JAKMIP2: variants seen among roughly 807,000 people sequenced by gnomAD.
JAKMIP2 encodes janus kinase and microtubule interacting protein 2.
JAKMIP2 carries 25 observed loss-of-function variants against 115.0 expected under a neutral mutation model. That is an observed-to-expected ratio of 0.22 (90% CI 0.16 to 0.30). The LOEUF (loss-of-function observed/expected upper bound fraction) is 0.30, where lower values mean the gene tolerates loss of function less well. Among genes scored for constraint, JAKMIP2 ranks in the 10% least tolerant of loss-of-function variants. JAKMIP2 has a pLI of 1.00. For synonymous variants in JAKMIP2, 334 were observed against 343.6 expected (o/e 0.97, Z 0.31); for missense variants, 642 against 957.6 (o/e 0.67, Z 4.35).
At chr5:147,718,085 T>C (rs1451871661) in intron 1 of JAKMIP2, among the ~76,000 whole-genome samples, 6 of 141,912 alleles carry the variant, frequency 4.2e-5, no homozygotes, top group Non-Finnish European at 7.6e-5. Flanking sequence ...AAAGGCCTTT[T>C]CTGCATCTAT....
chr5:147,636,130 G>T, intron 12 of JAKMIP2, 92 bp downstream of exon 12: 1 of 998,674 alleles, frequency 1.0e-6, no homozygotes, highest in Non-Finnish European at 1.5e-6. Context: ...CCTTCCCCTG[G>T]CCCCTGTGCC....
intron 2 of JAKMIP2, among the ~76,000 whole-genome samples, chr5:147,669,722 T>C (rs1035132007): frequency 1.3e-5 from 2 of 152,178 alleles, no homozygotes; most frequent in Admixed American, 6.5e-5. Context: ...GCCAATGAAA[T>C]GTTCAGAGAT....
At chr5:147,646,720 CAA>C (rs942105172) in intron 5 of JAKMIP2, among the ~76,000 whole-genome samples, 8 of 150,434 alleles carry the variant, frequency 5.3e-5, no homozygotes, top group African/African-American at 2.0e-4. Context: ...AACACTAAAA[CAA>C]AAATCTGATG....
intron 1 of JAKMIP2, among the ~76,000 whole-genome samples, chr5:147,761,173 C>T (rs1307408602): frequency 2.0e-5 from 3 of 152,016 alleles, no homozygotes; most frequent in African/African-American, 7.2e-5. Flanking sequence ...AGCAGTTGTA[C>T]AAGAAAAGCA....
chr5:147,767,067 C>T (rs184293591), intron 1 of JAKMIP2, among the ~76,000 whole-genome samples: 1 of 152,228 alleles, frequency 6.6e-6, no homozygotes, highest in Admixed American at 6.5e-5. Context: ...TAGTCAATTC[C>T]TTTATGCATT....
intron 1 of JAKMIP2, among the ~76,000 whole-genome samples, chr5:147,707,793 A>G (rs1752636944): frequency 6.6e-6 from 1 of 152,226 alleles, no homozygotes; most frequent in Non-Finnish European, 1.5e-5. Context: ...GATCAGCAAT[A>G]GTAAGTACAG....
intron 1 of JAKMIP2, among the ~76,000 whole-genome samples, chr5:147,685,166 A>G (rs761564013): frequency 2.0e-5 from 3 of 152,216 alleles, no homozygotes; most frequent in Non-Finnish European, 2.9e-5. Context: ...TTGAGCCTGA[A>G]GCTTCTTAGT....
intron 3 of JAKMIP2, among the ~76,000 whole-genome samples, chr5:147,653,544 C>A (rs771855849): frequency 3.3e-5 from 5 of 151,260 alleles, no homozygotes; most frequent in Non-Finnish European, 7.4e-5. Flanking sequence ...ACCTTGCCCA[C>A]TTTTTGGTGG....
intron 1 of JAKMIP2, among the ~76,000 whole-genome samples, chr5:147,706,466 G>A (rs572384508): frequency 1.3e-5 from 2 of 152,248 alleles, no homozygotes; most frequent in South Asian, 2.1e-4. Context: ...CTATAGGAAC[G>A]TGCCACTGTG....
In JAKMIP2 at chr5:147,641,736, T is replaced by G; in HGVS notation, c.1253A>C (p.Lys418Thr). The part of the protein sequence containing the change: ...RDREKLIRRR[K>T]HRRSSKPIKR... ...AATTGGCTTGGAACTTCTTCTATGC[T>G]TTCTTCTACGGATGAGCTTTTCTCG... The change falls in exon 8 of 22, where the codon AAG becomes ACG. Residue 418 changes from lysine (K) to threonine (T), a missense_variant. By Grantham distance (78) the Lys-to-Thr change is moderately conservative (BLOSUM62 -1). Transcript: ENST00000616793. 1 of 1,613,504 alleles carries G rather than the reference T, an allele frequency of 6.2e-7. No homozygotes were observed. Among genetic ancestry groups the G allele is most frequent in the Non-Finnish European group, 8.5e-7 (1 of 1,179,484 alleles).
chr5:147,591,145 C>A lies in JAKMIP2; in HGVS notation c.*562G>T, dbSNP rs982484181. 1.3e-5 allele frequency: 2 copies of A among 152,876 alleles called. No individual in the cohort carries two copies. The highest frequency in any genetic ancestry group is 4.8e-5 in the African/African-American group (2 of 41,450). 9.5% of individuals were successfully genotyped at this position (152,876 alleles called of 1,614,324 possible). A position where few individuals can be genotyped will look rare whatever the true frequency, so the allele number is the denominator to read the frequency against. ...CAAATCCCTGTAGTAAGAAACCAGACTTTTCAAATGAAACATTTTATTGTA... is the reference window on the plus strand; with the variant it reads ...CAAATCCCTGTAGTAAGAAACCAGAATTTTCAAATGAAACATTTTATTGTA... On this transcript the variant is annotated 3_prime_UTR_variant, in exon 22 of 22. Coordinates refer to ENST00000616793, the MANE Select transcript of JAKMIP2 (RefSeq NM_001270941.2).
chr5:147,686,964 T>G (rs906777266), intron 1 of JAKMIP2, among the ~76,000 whole-genome samples: 5 of 152,180 alleles, frequency 3.3e-5, no homozygotes, highest in African/African-American at 1.2e-4. Context: ...TCATAATTTT[T>G]TCTTATATAT....
intron 1 of JAKMIP2, among the ~76,000 whole-genome samples, chr5:147,764,920 AAGAG>A (rs531656100): frequency 0.038 from 1,478 of 39,394 alleles, 61 homozygotes; most frequent in South Asian, 0.09. Flanking sequence ...GAAAGAAAGA[AAGAG>A]AGAGAGAGAG....
At position 147,586,395 on chromosome 5, in the gene JAKMIP2, TGTCA is replaced by T. The variant is rs1754871445; in HGVS notation, c.*5308_*5311del. The T allele has an allele frequency of 6.6e-6, 1 of 152,130 alleles. No homozygotes were observed. The highest frequency in any genetic ancestry group is 6.6e-5 in the Admixed American group (1 of 15,256). 9.4% of individuals were successfully genotyped at this position (152,130 alleles called of 1,614,324 possible). A position where few individuals can be genotyped will look rare whatever the true frequency, so the allele number is the denominator to read the frequency against. On this transcript the variant is annotated 3_prime_UTR_variant, in exon 22 of 22. Transcript: ENST00000616793. Reference sequence around the variant, plus strand: ...GCTGGTATAGGCACAGTCTGTGAGATGTCAGTCAAATAGAAGTGTTGTTACTAAC... The same window carrying T: ...GCTGGTATAGGCACAGTCTGTGAGATGTCAAATAGAAGTGTTGTTACTAAC...
Position 147,589,663 on chromosome 5 carries a change from C to A in JAKMIP2, c.*2044G>T, listed in dbSNP as rs1202781929. On this transcript the variant is annotated 3_prime_UTR_variant, in exon 22 of 22. Transcript: ENST00000616793. Reference sequence around the variant, plus strand: ...ATGCAATCAAGAGAGCTGGGAGATGCTTATCATAGAAATGACACACTCTTC... The same window carrying A: ...ATGCAATCAAGAGAGCTGGGAGATGATTATCATAGAAATGACACACTCTTC... 6.6e-6 allele frequency: 1 copy of A among 152,112 alleles called. No homozygotes were observed. Among genetic ancestry groups the A allele is most frequent in the Non-Finnish European group, 1.5e-5 (1 of 68,018 alleles). The allele number at this position is 152,112 out of a possible 1,614,324, so 9.4% of individuals were successfully genotyped here.
At chr5:147,762,646 A>G (rs1202342290) in intron 1 of JAKMIP2, among the ~76,000 whole-genome samples, 1 of 152,018 alleles carries the variant, frequency 6.6e-6, no homozygotes, top group Admixed American at 6.6e-5. Flanking sequence ...TTATGACCTC[A>G]TTTAACCTTA....
intron 1 of JAKMIP2, among the ~76,000 whole-genome samples, chr5:147,698,590 G>A (rs544481392): frequency 6.6e-6 from 1 of 152,188 alleles, no homozygotes; most frequent in Admixed American, 6.5e-5. Flanking sequence ...TTTTCCTCAT[G>A]CTGTTCTCAT....
chr5:147,613,860 G>A (rs1756445716), intron 19 of JAKMIP2, among the ~76,000 whole-genome samples: 1 of 152,164 alleles, frequency 6.6e-6, no homozygotes, highest in East Asian at 1.9e-4. Context: ...GACCATAAAG[G>A]TTAACCTTGA....
chr5:147,686,287 A>G (rs997522639), intron 1 of JAKMIP2, among the ~76,000 whole-genome samples: 2 of 152,156 alleles, frequency 1.3e-5, no homozygotes, highest in East Asian at 3.8e-4. Flanking sequence ...CTGTGCAGTC[A>G]GTTAGATTGG....
Sources: gnomAD v4.1 joint callset for allele counts (sites outside exome capture counted in the v4.1 genomes callset) on GRCh38, gnomAD v4.1.1 for gene constraint, MANE v1.5 for transcripts, NCBI Gene and HGNC (gene_info 2026-07-23, HGNC 2026-07-21) for gene names.